Variants in KAZN observed in about 807,000 individuals in gnomAD.
KAZN encodes kazrin.
KAZN carries 40 observed loss-of-function variants against 87.4 expected under a neutral mutation model. That is an observed-to-expected ratio of 0.46 (90% CI 0.36 to 0.60). The LOEUF is 0.60. Among genes scored for constraint, KAZN ranks in the 20% least tolerant of loss-of-function variants. The pLI is 0.00. For missense variants in KAZN, 898 were observed against 1,073.9 expected (o/e 0.84, Z 2.29); for synonymous variants, 466 against 458.3 (o/e 1.02, Z -0.22).
At chr1:15,109,753 ATGTT>A (rs796737838) in intron 13 of KAZN, among the ~76,000 whole-genome samples, 7,688 of 142,920 alleles carry the variant, frequency 0.054, 221 homozygotes, top group Middle Eastern at 0.068. Context: ...TTGTGTTTGT[ATGTT>A]TGTGTCTGTA....
intron 2 of KAZN, among the ~76,000 whole-genome samples, chr1:14,400,529 C>T (rs76908265): frequency 5.4e-4 from 83 of 152,308 alleles, no homozygotes; most frequent in African/African-American, 1.9e-3. Flanking sequence ...TCTTACCCAG[C>T]ATCCACTCAG....
At chr1:14,833,564 G>A (rs1056498648) in intron 1 of KAZN, among the ~76,000 whole-genome samples, 5 of 152,142 alleles carry the variant, frequency 3.3e-5, no homozygotes, top group East Asian at 1.9e-4. Context: ...TAGGGTATCC[G>A]TCCTCTACCC....
intron 2 of KAZN, among the ~76,000 whole-genome samples, chr1:14,368,115 C>A (rs1660164729): frequency 2.0e-5 from 3 of 152,116 alleles, no homozygotes; most frequent in Admixed American, 2.0e-4. Context: ...TCTGTACGTG[C>A]AGATACAACA....
chr1:14,371,818 T>C (rs1660506131), intron 2 of KAZN, among the ~76,000 whole-genome samples: 1 of 152,190 alleles, frequency 6.6e-6, no homozygotes, highest in East Asian at 1.9e-4. Flanking sequence ...AGGAGAATTA[T>C]CTTTGAGAGG....
In KAZN at chr1:14,859,842, C is replaced by G. The variant is rs575612817; in HGVS notation, c.227-100842C>G. ...CCTTAGCGCTCTGATTATCAGCCTT[C>G]AAATCTCAGTAAGGGAAAGGATAAG... On this transcript the variant is annotated intron_variant, in intron 1 of 14. Transcript: ENST00000376030. 3.0e-4 allele frequency among the ~76,000 whole-genome samples: 46 copies of G among 152,294 alleles called. 2 individuals carry two copies. In the South Asian group the frequency reaches 8.7e-3, roughly 29 times the overall value.
rs146078275 is a variant in KAZN at position 14,242,403 on chromosome 1, C to T, written c.249+61811C>T. On this transcript the variant is annotated intron_variant, in intron 2 of 16. Coordinates refer to the KAZN transcript ENST00000636203. ...TTAAAAATGATGTCTATGAGAATGA[C>T]AGACCTTCCAGCAAATGTGCTCACC... Among the ~76,000 whole-genome samples the T allele has an allele frequency of 4.2e-3, 636 of 152,236 alleles. 4 individuals are homozygous for T. The highest frequency in any genetic ancestry group is 0.015 in the African/African-American group (607 of 41,540).
chr1:14,919,473 C>G (rs1188284363), intron 1 of KAZN, among the ~76,000 whole-genome samples: 2 of 152,192 alleles, frequency 1.3e-5, no homozygotes, highest in African/African-American at 2.4e-5. Flanking sequence ...CACCGCGCCC[C>G]TCCCGAGGCA....
intron 1 of KAZN, among the ~76,000 whole-genome samples, chr1:14,671,420 G>C (rs1314456541): frequency 1.3e-5 from 2 of 152,132 alleles, no homozygotes; most frequent in African/African-American, 4.8e-5. Context: ...GCTGGTGCTG[G>C]GTCACGTACT....
chr1:14,105,911 G>T (rs1644363649), intron 1 of KAZN, among the ~76,000 whole-genome samples: 1 of 152,212 alleles, frequency 6.6e-6, no homozygotes, highest in Admixed American at 6.5e-5. Context: ...GAGGTGATGG[G>T]AAAGATACTT....
intron 1 of KAZN, among the ~76,000 whole-genome samples, chr1:13,978,495 A>AATAT (rs144800375): frequency 0.012 from 1,841 of 147,512 alleles, 13 homozygotes; most frequent in East Asian, 0.027. Flanking sequence ...TATAGAGATA[A>AATAT]ATATATATAT....
Position 14,716,636 on chromosome 1 carries a change from A to G in KAZN, c.226+117413A>G, listed in dbSNP as rs570010578. Among the ~76,000 whole-genome samples, 5 of 152,246 alleles carry G rather than the reference A, an allele frequency of 3.3e-5. 1 individual carries two copies. Among genetic ancestry groups the G allele is most frequent in the African/African-American group, 1.2e-4 (5 of 41,534 alleles). ...CAGGTAGCTCTTGTCATCAAAGCCC[A>G]CTGCTCAGCCCTCAGGCGGAGCACC... On this transcript the variant is annotated intron_variant, in intron 1 of 14. Transcript: ENST00000376030.
intron 1 of KAZN, among the ~76,000 whole-genome samples, chr1:14,019,940 A>T (rs1272855973): frequency 6.6e-6 from 1 of 152,148 alleles, no homozygotes; most frequent in Non-Finnish European, 1.5e-5. Flanking sequence ...TTATTGTTAC[A>T]TTGAAATATA....
intron 1 of KAZN, among the ~76,000 whole-genome samples, chr1:14,710,495 C>G (rs1392730579): frequency 6.6e-6 from 1 of 152,178 alleles, no homozygotes; most frequent in Non-Finnish European, 1.5e-5. Context: ...CAACATCCCT[C>G]TCACCACTGC....
At chr1:14,624,440 C>A (rs577703542) in intron 1 of KAZN, among the ~76,000 whole-genome samples, 216 of 140,618 alleles carry the variant, frequency 1.5e-3, no homozygotes, top group African/African-American at 5.8e-3. Flanking sequence ...AAAAAAACAA[C>A]AAAAAAAACC....
intron 2 of KAZN, among the ~76,000 whole-genome samples, chr1:14,277,405 C>G (rs1384094410): frequency 1.3e-5 from 2 of 152,274 alleles, no homozygotes; most frequent in East Asian, 3.9e-4. Context: ...GTGGCTCATG[C>G]TTGTAATCCC....
chr1:14,557,485 A>C (rs1264118130), intron 2 of KAZN, among the ~76,000 whole-genome samples: 1 of 152,090 alleles, frequency 6.6e-6, no homozygotes, highest in Non-Finnish European at 1.5e-5. Flanking sequence ...TTTCCACATT[A>C]AATATAAATA....
chr1:14,112,034 A>G (rs1644510618), intron 1 of KAZN, among the ~76,000 whole-genome samples: 2 of 152,018 alleles, frequency 1.3e-5, no homozygotes, highest in Non-Finnish European at 2.9e-5. Flanking sequence ...CACCACGCTC[A>G]GCCCCTTTGC....
chr1:14,359,009 A>G (rs191742098), intron 2 of KAZN, among the ~76,000 whole-genome samples: 2 of 151,804 alleles, frequency 1.3e-5, no homozygotes, highest in African/African-American at 2.4e-5. Flanking sequence ...TTGATCTAAT[A>G]TTGACAGTGG....
chr1:14,045,962 C>T (rs564529012), intron 1 of KAZN, among the ~76,000 whole-genome samples: 3 of 152,120 alleles, frequency 2.0e-5, no homozygotes, highest in Admixed American at 6.6e-5. Flanking sequence ...GCCAGGAAAA[C>T]GTACAATTGA....
Sources: gnomAD v4.1 joint callset for allele counts (sites outside exome capture counted in the v4.1 genomes callset) on GRCh38, gnomAD v4.1.1 for gene constraint, MANE v1.5 for transcripts, NCBI Gene and HGNC (gene_info 2026-07-23, HGNC 2026-07-21) for gene names.